TBC1D32: variants seen among roughly 807,000 people sequenced by gnomAD.
TBC1D32 encodes the protein TBC1 domain family member 32.
Under a neutral mutation model 170.3 loss-of-function variants are expected in TBC1D32, and 151 were observed. That is an observed-to-expected ratio of 0.89 (90% CI 0.78 to 1.01). TBC1D32 has a LOEUF of 1.01. Ranked by LOEUF, TBC1D32 falls within the 50% of genes least tolerant of loss-of-function variation. The probability of loss-of-function intolerance (pLI) is 0.00; values close to 1 mark genes in which losing one functional copy is unlikely to be tolerated. For synonymous variants in TBC1D32, 498 were observed against 488.0 expected, an observed-to-expected ratio of 1.02 and a Z score of -0.27; for missense variants, 1,464 against 1,457.1, an observed-to-expected ratio of 1.00 and a Z score of -0.08.
At chr6:121,163,016 G>T (rs1314223875) in intron 22 of TBC1D32, 1 of 49,384 alleles carries the variant, frequency 2.0e-5, no homozygotes, top group African/African-American at 6.1e-5. Flanking sequence ...TTTTCAGACC[G>T]GCTTAAGAAA....
chr6:121,192,989 A>T (rs540889584), intron 22 of TBC1D32, among the ~76,000 whole-genome samples: 1 of 152,168 alleles, frequency 6.6e-6, no homozygotes, highest in Admixed American at 6.5e-5. Flanking sequence ...AAGTCCTGGC[A>T]GGCCTCTAGA....
chr6:121,125,073 T>C (rs1486446790), intron 26 of TBC1D32, among the ~76,000 whole-genome samples: 1 of 152,218 alleles, frequency 6.6e-6, no homozygotes, highest in East Asian at 1.9e-4. Context: ...TCCATGAATG[T>C]TCTTAATACT....
chr6:121,168,342 G>C (rs2128249707), intron 22 of TBC1D32, among the ~76,000 whole-genome samples: 1 of 141,214 alleles, frequency 7.1e-6, no homozygotes. Flanking sequence ...ACTGGATTAA[G>C]AAAATGTGGC....
intron 24 of TBC1D32, among the ~76,000 whole-genome samples, chr6:121,141,758 T>C (rs1323035327): frequency 6.6e-6 from 1 of 151,800 alleles, no homozygotes; most frequent in Non-Finnish European, 1.5e-5. Flanking sequence ...AACTTATGCA[T>C]GAATGTGTAG....
chr6:121,126,733 G>A (rs1185160821), intron 25 of TBC1D32, among the ~76,000 whole-genome samples: 1 of 151,656 alleles, frequency 6.6e-6, no homozygotes, highest in Non-Finnish European at 1.5e-5. Context: ...TTCAGAATTT[G>A]CTAAATGATT....
At chr6:121,095,859 C>T (rs1023970359) in intron 30 of TBC1D32, 1 of 152,048 alleles carries the variant, frequency 6.6e-6, no homozygotes, top group African/African-American at 2.4e-5. Context: ...ATTTTTGCAT[C>T]GATATTCATC....
chr6:121,328,473 AC>A (rs2128512368), intron 1 of TBC1D32, among the ~76,000 whole-genome samples: 1 of 150,768 alleles, frequency 6.6e-6, no homozygotes, highest in South Asian at 2.1e-4. Flanking sequence ...TTTAGTAGAG[AC>A]GGGGTTTCAC....
chr6:121,216,979 T>C (rs1277028148), intron 21 of TBC1D32, among the ~76,000 whole-genome samples: 1 of 152,198 alleles, frequency 6.6e-6, no homozygotes, highest in African/African-American at 2.4e-5. Context: ...AAAAATAGTA[T>C]TGCATCCCTG....
intron 17 of TBC1D32, among the ~76,000 whole-genome samples, chr6:121,249,209 T>TATG (rs548515137): frequency 2.9e-4 from 36 of 125,788 alleles, no homozygotes; most frequent in Admixed American, 1.1e-3. Context: ...ACAATAAAAT[T>TATG]ATTATTATTA....
chr6:121,321,755 G>T lies in TBC1D32; in HGVS notation c.195C>A (p.Asn65Lys). 6.2e-7 allele frequency: 1 copy of T among 1,613,614 alleles called. No homozygotes were observed. Among genetic ancestry groups the T allele is most frequent in the Non-Finnish European group, 8.5e-7 (1 of 1,179,818 alleles). Residue 65 changes from asparagine (N) to lysine (K), a missense_variant, in exon 2 of 32, where the codon AAC becomes AAA. Coordinates refer to ENST00000398212, the MANE Select transcript of TBC1D32 (RefSeq NM_152730.6). ...FVKYLRQHIG[N>K]TLGSMIEEEM... ...CTTCTTCAATCATAGAACCCAAAGTGTTGCCTATATGCTGCCTGAGGTATT... is the reference window on the plus strand; with the variant it reads ...CTTCTTCAATCATAGAACCCAAAGTTTTGCCTATATGCTGCCTGAGGTATT...
At chr6:121,085,786 T>C (rs1776211228) in intron 31 of TBC1D32, among the ~76,000 whole-genome samples, 1 of 152,052 alleles carries the variant, frequency 6.6e-6, no homozygotes, top group South Asian at 2.1e-4. Context: ...ATTCAGGACA[T>C]AGTATGTGGT....
chr6:121,097,718 A>AC (rs1462223352), intron 30 of TBC1D32, among the ~76,000 whole-genome samples: 10 of 152,200 alleles, frequency 6.6e-5, no homozygotes, highest in African/African-American at 2.4e-4. Context: ...ATTATAAATC[A>AC]TGCTGCTATA....
intron 22 of TBC1D32, among the ~76,000 whole-genome samples, chr6:121,171,472 C>A (rs1025745724): frequency 6.6e-6 from 1 of 151,780 alleles, no homozygotes; most frequent in African/African-American, 2.4e-5. Context: ...TTAGATGTAA[C>A]AATGGCACAG....
chr6:121,241,777 A>G (rs372644269), intron 18 of TBC1D32, among the ~76,000 whole-genome samples: 1 of 152,206 alleles, frequency 6.6e-6, no homozygotes. Flanking sequence ...AGACTAAATT[A>G]TATTGTAAAT....
At chr6:121,088,703 C>G (rs1391128965) in intron 31 of TBC1D32, among the ~76,000 whole-genome samples, 2 of 152,100 alleles carry the variant, frequency 1.3e-5, no homozygotes, top group Non-Finnish European at 2.9e-5. Context: ...AACATTTGTC[C>G]TAATCTCTCA....
intron 30 of TBC1D32, among the ~76,000 whole-genome samples, chr6:121,104,790 G>C (rs1935427886): frequency 6.6e-6 from 1 of 151,424 alleles, no homozygotes; most frequent in African/African-American, 2.4e-5. Flanking sequence ...AAATGGAAAA[G>C]CTTACTATCT....
chr6:121,211,928 C>A (rs1259068394), intron 21 of TBC1D32, among the ~76,000 whole-genome samples: 4 of 151,980 alleles, frequency 2.6e-5, no homozygotes, highest in Non-Finnish European at 4.4e-5. Flanking sequence ...TCCTCGACCA[C>A]AGTGCCGAGC....
At chr6:121,139,045 A>G (rs1782472217) in intron 24 of TBC1D32, among the ~76,000 whole-genome samples, 1 of 151,970 alleles carries the variant, frequency 6.6e-6, no homozygotes, top group Admixed American at 6.6e-5. Context: ...ACAGGGTTTC[A>G]CTGTGTTAGC....
chr6:121,205,007 T>C (rs1792051493), intron 22 of TBC1D32, 68 bp downstream of exon 22: 13 of 910,212 alleles, frequency 1.4e-5, no homozygotes, highest in Middle Eastern at 3.1e-4. Flanking sequence ...TTTTAAAGTA[T>C]ACAGGACAAA....
Sources: gnomAD v4.1 joint callset for allele counts (sites outside exome capture counted in the v4.1 genomes callset) on GRCh38, gnomAD v4.1.1 for gene constraint, MANE v1.5 for transcripts, NCBI Gene and HGNC (gene_info 2026-07-23, HGNC 2026-07-21) for gene names.